Variants in HIVEP3 observed in about 807,000 individuals in gnomAD.
HIVEP3 encodes transcription factor HIVEP3.
In HIVEP3, 49 loss-of-function variants were observed where a neutral mutation model predicts 152.8. The observed-to-expected ratio is 0.32, with a 90% CI of 0.26 to 0.41. The LOEUF (loss-of-function observed/expected upper bound fraction) is 0.41. HIVEP3 is among the 10% of genes least tolerant of loss of function. The probability of loss-of-function intolerance (pLI) is 1.00; values close to 1 mark genes in which losing one functional copy is unlikely to be tolerated. For missense variants in HIVEP3, 2,790 were observed against 3,103.3 expected (o/e 0.90, Z 2.40); for synonymous variants, 1,269 against 1,289.0 (o/e 0.98, Z 0.33).
chr1:41,910,351 T>C (rs980784985), intron 1 of HIVEP3, among the ~76,000 whole-genome samples: 13 of 151,986 alleles, frequency 8.6e-5, no homozygotes, highest in Non-Finnish European at 4.4e-5. Context: ...AATTTACCAA[T>C]ATTGATTTAA....
Position 41,584,064 on chromosome 1 carries a change from C to T in HIVEP3, c.734G>A (p.Arg245His), listed in dbSNP as rs770768643. ...LYKHRKSHAH[R>H]IKAGLASGMG... is the part of the protein sequence containing the mutation. ...GCCTGAGGCCAGGCCTGCTTTGATG[C>T]GGTGGGCATGGGACTTCCTGTGCTT... The change falls in exon 4 of 9, where the codon CGC becomes CAC. Residue 245 changes from arginine to histidine, a missense_variant. Arg to His is a conservative substitution (Grantham distance 29). Around this residue, in one of 9 missense-constraint regions of HIVEP3, gnomAD observed 125 missense variants for 130.1 expected, o/e 0.96. Transcript: ENST00000372583. This position sits in a 1 kb window ranked among gnomAD's most constrained non-coding sequence, Gnocchi z 5.2. 10 of 1,614,124 alleles carry T rather than the reference C, an allele frequency of 6.2e-6. No individual in the cohort carries two copies. Among genetic ancestry groups the T allele is most frequent in the African/African-American group, 1.3e-5 (1 of 75,050 alleles).
intron 1 of HIVEP3, among the ~76,000 whole-genome samples, chr1:41,988,997 G>A (rs1645340705): frequency 6.6e-6 from 1 of 152,134 alleles, no homozygotes; most frequent in Non-Finnish European, 1.5e-5. Flanking sequence ...GATCTCACTT[G>A]TATGTGGAAT....
intron 1 of HIVEP3, among the ~76,000 whole-genome samples, chr1:41,767,118 A>T (rs541170724): frequency 6.6e-6 from 1 of 152,166 alleles, no homozygotes; most frequent in Non-Finnish European, 1.5e-5. Flanking sequence ...TGAACCTCTC[A>T]TCTTCTGTCT....
chr1:42,007,793 T>G (rs1300950664), intron 1 of HIVEP3, among the ~76,000 whole-genome samples: 2 of 146,570 alleles, frequency 1.4e-5, no homozygotes, highest in African/African-American at 5.0e-5. Flanking sequence ...CTAAAATGGT[T>G]ATCGCAAAAG....
chr1:41,917,496 G>A (rs1644889232), intron 1 of HIVEP3, among the ~76,000 whole-genome samples: 1 of 152,088 alleles, frequency 6.6e-6, no homozygotes, highest in South Asian at 2.1e-4. Context: ...CACTGCCCCC[G>A]AAGTTCAAGG....
intron 1 of HIVEP3, among the ~76,000 whole-genome samples, chr1:41,820,195 T>C (rs1032898031): frequency 1.3e-5 from 2 of 152,218 alleles, no homozygotes; most frequent in Admixed American, 6.5e-5. Context: ...TCCCCCTTTA[T>C]AAAAACGTAT....
intron 3 of HIVEP3, among the ~76,000 whole-genome samples, chr1:41,619,337 A>AC (rs1330600081): frequency 6.6e-6 from 1 of 152,156 alleles, no homozygotes; most frequent in Non-Finnish European, 1.5e-5. Context: ...TCCTTTCCTG[A>AC]CTGCCACCTT....
At chr1:41,744,437 G>T (rs548548778) in intron 1 of HIVEP3, among the ~76,000 whole-genome samples, 63 of 152,366 alleles carry the variant, frequency 4.1e-4, no homozygotes, top group Non-Finnish European at 6.5e-4. Flanking sequence ...TGCTGGAGGT[G>T]CCAGTCTTTG....
intron 2 of HIVEP3, among the ~76,000 whole-genome samples, chr1:41,676,992 G>A (rs74071909): frequency 5.3e-5 from 8 of 152,194 alleles, no homozygotes; most frequent in African/African-American, 4.8e-5. Context: ...GTGTTATGCC[G>A]TGTGGAGGAT....
intron 5 of HIVEP3, among the ~76,000 whole-genome samples, chr1:41,537,098 G>C (rs1434813655): frequency 1.3e-5 from 2 of 152,148 alleles, no homozygotes; most frequent in Admixed American, 6.5e-5. Flanking sequence ...TCAAGCCCGT[G>C]ACTTTTCACT....
At chr1:41,512,737 G>C in intron 8 of HIVEP3, 79 bp downstream of exon 8, 1 of 1,176,260 alleles carries the variant, frequency 8.5e-7, no homozygotes, top group Non-Finnish European at 1.2e-6. Flanking sequence ...TTCCAGGTGT[G>C]ATACCCAGGA....
intron 1 of HIVEP3, among the ~76,000 whole-genome samples, chr1:41,798,157 G>T (rs1650091069): frequency 6.6e-6 from 1 of 152,044 alleles, no homozygotes; most frequent in Non-Finnish European, 1.5e-5. Flanking sequence ...GGGGAGTGGG[G>T]AGGGATAGCA....
At chr1:41,859,251 G>T (rs1342216380) in intron 1 of HIVEP3, among the ~76,000 whole-genome samples, 1 of 152,290 alleles carries the variant, frequency 6.6e-6, no homozygotes, top group East Asian at 1.9e-4. Context: ...AACCAGAGTA[G>T]CTGGCACCAT....
At chr1:41,993,567 T>G (rs544984499) in intron 1 of HIVEP3, among the ~76,000 whole-genome samples, 4 of 152,256 alleles carry the variant, frequency 2.6e-5, no homozygotes, top group Admixed American at 2.6e-4. Context: ...GTAAACTAGT[T>G]CAACCATTGT....
At chr1:41,596,243 G>A (rs769745037) in intron 3 of HIVEP3, among the ~76,000 whole-genome samples, 7 of 152,208 alleles carry the variant, frequency 4.6e-5, no homozygotes, top group African/African-American at 1.4e-4. Flanking sequence ...GAAAGCAGGT[G>A]GAAGGCACAA....
At chr1:41,856,575 G>A (rs1643773199) in intron 1 of HIVEP3, among the ~76,000 whole-genome samples, 1 of 152,212 alleles carries the variant, frequency 6.6e-6, no homozygotes, top group African/African-American at 2.4e-5. Context: ...TGCACAAGGT[G>A]TGCAGAAGTT....
chr1:41,777,284 C>G (rs958839074), intron 1 of HIVEP3, among the ~76,000 whole-genome samples: 1 of 152,216 alleles, frequency 6.6e-6, no homozygotes, highest in East Asian at 1.9e-4. Flanking sequence ...AGGAACAAAG[C>G]GGGGACTCAC....
chr1:41,587,063 G>GA (rs942118948), intron 3 of HIVEP3, among the ~76,000 whole-genome samples: 10 of 152,100 alleles, frequency 6.6e-5, no homozygotes, highest in African/African-American at 2.4e-4. Context: ...AGAAAAGGGA[G>GA]ATTTGGTCCA....
chr1:41,517,582 G>T (rs1009251249), intron 7 of HIVEP3, among the ~76,000 whole-genome samples: 1 of 152,140 alleles, frequency 6.6e-6, no homozygotes, highest in Non-Finnish European at 1.5e-5. Flanking sequence ...CACACTCTAA[G>T]TCCTGGGGCT....
Sources: gnomAD v4.1 joint callset for allele counts (sites outside exome capture counted in the v4.1 genomes callset) on GRCh38, gnomAD v4.1.1 for gene constraint, gnomAD v4.1.1 regional missense constraint, Gnocchi (gnomAD v3.1) non-coding constraint, MANE v1.5 for transcripts, NCBI Gene and HGNC (gene_info 2026-07-23, HGNC 2026-07-21) for gene names.